USP34: variants seen among roughly 807,000 people sequenced by gnomAD.
USP34 encodes the protein ubiquitin specific peptidase 34.
Under a neutral mutation model 460.3 loss-of-function variants are expected in USP34, and 70 were observed. The ratio of observed to expected loss-of-function variants is 0.15; its 90% CI spans 0.13 to 0.19. The LOEUF (loss-of-function observed/expected upper bound fraction) is 0.19. Ranked by LOEUF, USP34 falls within the 10% of genes least tolerant of loss-of-function variation. USP34 has a pLI of 1.00. For missense variants in USP34, 3,985 were observed against 4,236.2 expected (o/e 0.94, Z 1.65); for synonymous variants, 1,647 against 1,405.3 (o/e 1.17, Z -3.85).
intron 41 of USP34, among the ~76,000 whole-genome samples, chr2:61,272,046 T>C (rs943350226): frequency 1.3e-5 from 2 of 152,218 alleles, no homozygotes; most frequent in South Asian, 4.1e-4. Flanking sequence ...TATTACCCTC[T>C]GACATTTCTG....
intron 33 of USP34, 37 bp from the exon 34 acceptor site, chr2:61,288,914 A>C (rs781505478): frequency 2.5e-6 from 4 of 1,595,158 alleles, no homozygotes; most frequent in Non-Finnish European, 3.4e-6. Context: ...CCCTATTTTC[A>C]TTAATTTAGA....
chr2:61,457,647 G>C (rs1417636957), intron 1 of USP34, among the ~76,000 whole-genome samples: 1 of 152,186 alleles, frequency 6.6e-6, no homozygotes, highest in Non-Finnish European at 1.5e-5. Context: ...AGAATCACTT[G>C]AGGCCAGAAG....
Position 61,262,088 on chromosome 2 carries a change from C to CAA in USP34, c.5779-2314_5779-2313dup, listed in dbSNP as rs61651654. 3.1e-3 allele frequency among the ~76,000 whole-genome samples: 145 copies of CAA among 46,786 alleles called. 4 individuals are homozygous for CAA. Among genetic ancestry groups the CAA allele is most frequent in the Non-Finnish European group, 3.2e-3 (92 of 28,312 alleles). 30.7% of individuals were successfully genotyped at this position (46,786 alleles called of 152,430 possible). The stretch of plus-strand genomic sequence containing the variant: ...CTTGGGTAACAAAGCAAGACTTCGT[C>CAA]AAAAAAAAAAAAAAAAAAAAAAAAA... On this transcript the variant is annotated intron_variant, in intron 43 of 79. Transcript: ENST00000398571.
intron 20 of USP34, among the ~76,000 whole-genome samples, chr2:61,326,278 G>T (rs898692254): frequency 6.6e-6 from 1 of 152,166 alleles, no homozygotes; most frequent in Admixed American, 6.5e-5. Flanking sequence ...CAGAATCACC[G>T]CTCACTGCAA....
chr2:61,188,755 A>G, intron 79 of USP34, 46 bp from the exon 80 acceptor site: 1 of 1,594,314 alleles, frequency 6.3e-7, no homozygotes, highest in Non-Finnish European at 8.5e-7. Context: ...AAAGTCATTA[A>G]GATCACGTTA....
At chr2:61,464,028 C>A (rs1418814582) in intron 1 of USP34, among the ~76,000 whole-genome samples, 1 of 151,998 alleles carries the variant, frequency 6.6e-6, no homozygotes, top group Non-Finnish European at 1.5e-5. Flanking sequence ...CTTAAGTACC[C>A]AACACAAACT....
intron 48 of USP34, among the ~76,000 whole-genome samples, chr2:61,255,296 T>TTAAA (rs1042724749): frequency 3.9e-5 from 6 of 152,208 alleles, no homozygotes; most frequent in Middle Eastern, 3.2e-3. Flanking sequence ...GTATAAACAC[T>TTAAA]TATTTAACAC....
chr2:61,314,602 C>A lies in USP34; in HGVS notation c.3525G>T (p.Leu1175=). 1.3e-6 allele frequency: 2 copies of A among 1,537,608 alleles called. No homozygotes were observed. The highest frequency in any genetic ancestry group is 1.3e-5 in the South Asian group (1 of 75,912). Residue 1175 remains leucine, a synonymous_variant, in exon 25 of 80, where the codon CTG becomes CTT. Coordinates refer to ENST00000398571, the MANE Select transcript of USP34 (RefSeq NM_014709.4). The part of the protein sequence containing the change: ...ERGLLMLKTH[L]EAFRRRFAYH... ...AAAATTACCTTCTCCTAAACGCTTCCAGATGTGTCTTCAGCATAAGGAGTC... is the reference window on the plus strand; with the variant it reads ...AAAATTACCTTCTCCTAAACGCTTCAAGATGTGTCTTCAGCATAAGGAGTC...
rs995220433 is a variant in USP34 at position 61,207,192 on chromosome 2, G to C, written c.8920-306C>G. ...AAGTCTTCAAAATTACAAAGCAGTAGGTCACAAAAGATTAGGGAGAATAGG... is the reference window on the plus strand; with the variant it reads ...AAGTCTTCAAAATTACAAAGCAGTACGTCACAAAAGATTAGGGAGAATAGG... On this transcript the variant is annotated intron_variant, in intron 70 of 79. Transcript: ENST00000398571. 2.5e-5 allele frequency: 5 copies of C among 198,114 alleles called. No individual in the cohort carries two copies. In the East Asian group the frequency reaches 5.4e-4, roughly 22 times the overall value. The allele number at this position is 198,114 out of a possible 1,614,324, so 12.3% of individuals were successfully genotyped here.
Position 61,228,625 on chromosome 2 carries a change from T to C in USP34, c.7443+20A>G. 1 of 1,602,620 alleles carries C rather than the reference T, an allele frequency of 6.2e-7. No homozygotes were observed. Among genetic ancestry groups the C allele is most frequent in the Non-Finnish European group, 8.5e-7 (1 of 1,174,254 alleles). On this transcript the variant is annotated intron_variant, in intron 61 of 79. Coordinates refer to ENST00000398571, the MANE Select transcript of USP34 (RefSeq NM_014709.4). ...AAACCAGAGCCTCTAATACCTAATG[T>C]ACGATAGAACTGTACTTACATTTTC... is the stretch of plus-strand genomic sequence containing the variant.
chr2:61,385,671 CAAAAAAAAA>C (rs61200102), intron 5 of USP34, among the ~76,000 whole-genome samples: 4 of 46,004 alleles, frequency 8.7e-5, no homozygotes, highest in Non-Finnish European at 1.1e-4. Context: ...GACTCTGTCT[CAAAAAAAAA>C]AAAAAAAAAA....
In USP34 at chr2:61,190,627, A is replaced by G. The variant is rs889270658; in HGVS notation, c.9620T>C (p.Leu3207Ser). 2 of 1,613,964 alleles carry G rather than the reference A, an allele frequency of 1.2e-6. No individual in the cohort carries two copies. Among genetic ancestry groups the G allele is most frequent in the Non-Finnish European group, 1.7e-6 (2 of 1,179,958 alleles). ...SAMSKNCIKL[L>S]CEDPVFAEYI... ...TTCTGCGAAAACAGGATCTTCACAC[A>G]AAAGCTTGATGCAGTTTTTTGACAT... Residue 3207 changes from leucine to serine, a missense_variant, in exon 77 of 80, where the codon TTG (leucine) becomes TCG (serine). By Grantham distance (145) the Leu-to-Ser change is moderately radical. Coordinates refer to ENST00000398571, the MANE Select transcript of USP34 (RefSeq NM_014709.4).
At chr2:61,407,099 AT>A (rs1329693130) in intron 2 of USP34, among the ~76,000 whole-genome samples, 49 of 152,336 alleles carry the variant, frequency 3.2e-4, no homozygotes, top group Non-Finnish European at 3.8e-4. Flanking sequence ...AATTAAAAGG[AT>A]CTCAGCCAGG....
intron 1 of USP34, among the ~76,000 whole-genome samples, chr2:61,442,316 C>A (rs1284182206): frequency 2.7e-5 from 4 of 150,150 alleles, no homozygotes; most frequent in Admixed American, 6.6e-5. Context: ...TAAAAAAAGA[C>A]AACCTACAGA....
At chr2:61,196,220 A>G (rs911089014) in intron 75 of USP34, among the ~76,000 whole-genome samples, 9 of 150,164 alleles carry the variant, frequency 6.0e-5, no homozygotes, top group African/African-American at 1.7e-4. Flanking sequence ...AGCTGGGACT[A>G]CAGGTGCCCG....
intron 48 of USP34, among the ~76,000 whole-genome samples, chr2:61,253,165 A>G (rs1032683415): frequency 3.9e-5 from 6 of 152,218 alleles, no homozygotes; most frequent in Admixed American, 3.9e-4. Context: ...GTTAGTACAG[A>G]GATATAAAAG....
At chr2:61,247,504 G>A (rs955917769) in intron 49 of USP34, among the ~76,000 whole-genome samples, 2 of 152,150 alleles carry the variant, frequency 1.3e-5, no homozygotes, top group African/African-American at 2.4e-5. Context: ...ACAGCTGTGA[G>A]GAGGTTCTGC....
intron 2 of USP34, among the ~76,000 whole-genome samples, 194 bp downstream of exon 2, chr2:61,420,552 A>G (rs1694325742): frequency 1.3e-5 from 2 of 152,212 alleles, no homozygotes; most frequent in Non-Finnish European, 2.9e-5. Context: ...AAAGAAACTG[A>G]TATTTATGCC....
At chr2:61,423,476 A>C (rs1694421111) in intron 1 of USP34, among the ~76,000 whole-genome samples, 2 of 152,234 alleles carry the variant, frequency 1.3e-5, no homozygotes, top group African/African-American at 2.4e-5. Flanking sequence ...TCAAAAAGAA[A>C]AATGAAACAA....
Sources: allele counts gnomAD v4.1 joint callset (sites outside exome capture counted in the v4.1 genomes callset), GRCh38; gene constraint gnomAD v4.1.1; transcripts MANE v1.5; gene names NCBI Gene and HGNC (gene_info 2026-07-23, HGNC 2026-07-21).